NFIC: variants seen among roughly 807,000 people sequenced by gnomAD.
NFIC encodes the protein nuclear factor 1 C-type.
NFIC carries 12 observed loss-of-function variants against 54.4 expected under a neutral mutation model. The observed-to-expected ratio is 0.22, with a 90% CI of 0.14 to 0.36. The LOEUF is 0.36. Ranked by LOEUF, NFIC falls within the 10% of genes least tolerant of loss-of-function variation. The pLI is 1.00. For missense variants in NFIC, 575 were observed against 718.2 expected (o/e 0.80, Z 2.28); for synonymous variants, 322 against 319.2 (o/e 1.01, Z -0.09).
chr19:3,388,546 G>A (rs957619303), intron 2 of NFIC, among the ~76,000 whole-genome samples: 1 of 152,176 alleles, frequency 6.6e-6, no homozygotes, highest in African/African-American at 2.4e-5. Flanking sequence ...ATTGAGGCCA[G>A]GCGAGGTGGC....
At position 3,452,362 on chromosome 19, in the gene NFIC, A is replaced by T; in HGVS notation, c.1085-120A>T. On this transcript the variant is annotated intron_variant, in intron 7 of 10. Transcript: ENST00000443272. The surrounding 1 kb of genome is among the most constrained non-coding windows in gnomAD (Gnocchi z 5.3). ...GTGCTGCTGGGTTTTTTTGGTGGTT[A>T]TTGTTACTAAACGCACTGAGATGCC... The T allele has an allele frequency of 9.0e-6, 12 of 1,326,328 alleles. No individual in the cohort carries two copies. Among genetic ancestry groups the T allele is most frequent in the Admixed American group, 6.0e-5 (3 of 50,348 alleles). The allele number at this position is 1,326,328 out of a possible 1,614,324, so 82.2% of individuals were successfully genotyped here.
At chr19:3,408,552 G>A (rs928670456) in intron 2 of NFIC, among the ~76,000 whole-genome samples, 28 of 151,968 alleles carry the variant, frequency 1.8e-4, no homozygotes, top group Non-Finnish European at 5.9e-5. Context: ...AGCAATCCTC[G>A]CACCTCAGCC....
chr19:3,423,509 G>A (rs138436955), intron 2 of NFIC, among the ~76,000 whole-genome samples: 1 of 152,080 alleles, frequency 6.6e-6, no homozygotes, highest in East Asian at 1.9e-4. Context: ...TTTGACCTGG[G>A]TGATCCATGG....
intron 6 of NFIC, among the ~76,000 whole-genome samples, chr19:3,438,717 G>A (rs947549961): frequency 3.9e-5 from 6 of 151,952 alleles, no homozygotes; most frequent in African/African-American, 7.3e-5. Flanking sequence ...GATTACAGGC[G>A]TGAGCCACCG....
intron 1 of NFIC, among the ~76,000 whole-genome samples, chr19:3,367,707 TCA>T (rs2080922348): frequency 6.6e-6 from 1 of 152,202 alleles, no homozygotes; most frequent in African/African-American, 2.4e-5. Flanking sequence ...GGTTCTGGCC[TCA>T]GTTTCCCCTG....
intron 1 of NFIC, among the ~76,000 whole-genome samples, chr19:3,368,071 G>C (rs1046739980): frequency 2.0e-5 from 3 of 152,156 alleles, no homozygotes; most frequent in Non-Finnish European, 2.9e-5. Context: ...AGCTTTGGGG[G>C]GGGGGTTCCC....
intron 2 of NFIC, among the ~76,000 whole-genome samples, chr19:3,414,397 C>T (rs2081815612): frequency 6.6e-6 from 1 of 151,980 alleles, no homozygotes; most frequent in African/African-American, 2.4e-5. Flanking sequence ...GAGTTCGAGA[C>T]CAGCCTGACC....
In NFIC at chr19:3,459,372, G is replaced by T. The variant is rs1336372067; in HGVS notation, c.1509+2737G>T. 2.0e-5 allele frequency among the ~76,000 whole-genome samples: 3 copies of T among 151,926 alleles called. No homozygotes were observed. The highest frequency in any genetic ancestry group is 2.9e-5 in the Non-Finnish European group (2 of 67,984). On this transcript the variant is annotated intron_variant, in intron 10 of 10. Transcript: ENST00000443272. The surrounding 1 kb of genome is among the most constrained non-coding windows in gnomAD (Gnocchi z 4.2). Reference sequence around the variant, plus strand: ...CACTGTGAGGCTGGGTGGCTCTGACGCCCTGGCCCCTCCCCTCTGTGATGT... The same window carrying T: ...CACTGTGAGGCTGGGTGGCTCTGACTCCCTGGCCCCTCCCCTCTGTGATGT...
intron 9 of NFIC, 31 bp from the exon 10 acceptor site, chr19:3,456,519 A>G: frequency 2.6e-6 from 4 of 1,549,010 alleles, no homozygotes; most frequent in Non-Finnish European, 3.5e-6. Flanking sequence ...ACCCCTCGCT[A>G]ACGGGCTCTC....
intron 2 of NFIC, among the ~76,000 whole-genome samples, chr19:3,409,906 C>A (rs1325852448): frequency 6.6e-6 from 1 of 152,228 alleles, no homozygotes. Context: ...ATGAGGGTAT[C>A]ATTTGAAATA....
At chr19:3,372,938 G>A (rs944795549) in intron 1 of NFIC, among the ~76,000 whole-genome samples, 3 of 151,814 alleles carry the variant, frequency 2.0e-5, no homozygotes, top group African/African-American at 4.8e-5. Flanking sequence ...TCCGCCTCCC[G>A]GGTTCAAGCG....
chr19:3,368,949 C>G (rs866045616), intron 1 of NFIC, among the ~76,000 whole-genome samples: 1,620 of 116,588 alleles, frequency 0.014, 34 homozygotes, highest in African/African-American at 0.056. Flanking sequence ...GTGTGTGTGT[C>G]TGTTTCTCCC....
intron 2 of NFIC, among the ~76,000 whole-genome samples, chr19:3,393,161 G>A (rs985447936): frequency 1.3e-5 from 2 of 152,090 alleles, no homozygotes; most frequent in Admixed American, 6.5e-5. Context: ...GGCTGACCTC[G>A]TGATCCACCC....
rs2082176573 is a variant in NFIC at position 3,435,009 on chromosome 19, A to G, written c.834-74A>G. ...CCCCGCTCACTTAAGGACCGGAAGTAGCAAAGCCCGCCGTCGCGCCCCCCG... is the reference window on the plus strand; with the variant it reads ...CCCCGCTCACTTAAGGACCGGAAGTGGCAAAGCCCGCCGTCGCGCCCCCCG... On this transcript the variant is annotated intron_variant, in intron 5 of 10. Transcript: ENST00000443272. 5 of 1,474,326 alleles carry G rather than the reference A, an allele frequency of 3.4e-6. No homozygotes were observed. The South Asian group carries it at 4.0e-5, about 12-fold the overall frequency. 91.3% of individuals were successfully genotyped at this position (1,474,326 alleles called of 1,614,324 possible).
In NFIC at chr19:3,456,566, C is replaced by T. The variant is rs1175593207; in HGVS notation, c.1440C>T (p.Asp480=). Residue 480 remains aspartate, a synonymous_variant, in exon 10 of 11, where the codon GAC becomes GAT. Transcript: ENST00000443272. Reference sequence around the variant, plus strand: ...TCCCTGCAGCCTACTCTCCGCCCGACACGTCCCCTGCAAACCGTTCCTTTG... The same window carrying T: ...TCCCTGCAGCCTACTCTCCGCCCGATACGTCCCCTGCAAACCGTTCCTTTG... The part of the protein sequence containing the change: ...SPTSPSYSPP[D]TSPANRSFVG... 1 of 1,553,272 alleles carries T rather than the reference C, an allele frequency of 6.4e-7. No homozygotes were observed. Among genetic ancestry groups the T allele is most frequent in the Non-Finnish European group, 8.7e-7 (1 of 1,147,740 alleles).
intron 4 of NFIC, 82 bp from the exon 5 acceptor site, chr19:3,434,195 A>G: frequency 6.6e-7 from 1 of 1,519,822 alleles, no homozygotes; most frequent in Middle Eastern, 2.3e-4. Flanking sequence ...GACTGCACCC[A>G]GTGGCTTTCC....
chr19:3,389,618 C>T (rs2081348441), intron 2 of NFIC, among the ~76,000 whole-genome samples: 1 of 152,072 alleles, frequency 6.6e-6, no homozygotes, highest in African/African-American at 2.4e-5. Context: ...TGGGGAGAAT[C>T]AGAGCTGTGC....
intron 2 of NFIC, among the ~76,000 whole-genome samples, chr19:3,405,092 A>AT (rs1400253500): frequency 6.6e-6 from 1 of 152,260 alleles, no homozygotes. Context: ...GAAAGAAAAA[A>AT]GAAACTTTTC....
rs1417905488 is a variant in NFIC at position 3,463,521 on chromosome 19, C to T, written c.*752C>T. 1.0e-6 allele frequency: 1 copy of T among 984,932 alleles called. No homozygotes were observed. The highest frequency in any genetic ancestry group is 1.2e-6 in the Non-Finnish European group (1 of 829,890). 61.0% of individuals were successfully genotyped at this position (984,932 alleles called of 1,614,324 possible). On this transcript the variant is annotated 3_prime_UTR_variant, in exon 11 of 11. Transcript: ENST00000443272. ...CCTGCCGCGGGGCCTCCCCACAAGC[C>T]CCTCCCAAAGCGCCGGCCGACTCGC...
Sources: gnomAD v4.1 joint callset for allele counts (sites outside exome capture counted in the v4.1 genomes callset) on GRCh38, gnomAD v4.1.1 for gene constraint, Gnocchi (gnomAD v3.1) non-coding constraint, MANE v1.5 for transcripts, NCBI Gene and HGNC (gene_info 2026-07-23, HGNC 2026-07-21) for gene names.